FAM162A: variants seen among roughly 807,000 people sequenced by gnomAD.
FAM162A encodes protein FAM162A.
FAM162A carries 23 observed loss-of-function variants against 21.8 expected under a neutral mutation model. The observed-to-expected ratio is 1.05, with a 90% CI of 0.76 to 1.49. The LOEUF is 1.49. FAM162A is among the 40% of genes most tolerant of loss of function. The pLI is 0.00. For synonymous variants in FAM162A, 53 were observed against 61.3 expected (o/e 0.86, Z 0.64); for missense variants, 165 against 186.4 (o/e 0.89, Z 0.67).
At chr3:122,400,432 G>A (rs1401437183) in intron 1 of FAM162A, among the ~76,000 whole-genome samples, 1 of 152,096 alleles carries the variant, frequency 6.6e-6, no homozygotes, top group East Asian at 1.9e-4. Flanking sequence ...ATGACGAGTT[G>A]ATGGGTGCAG....
At chr3:122,402,217 A>G (rs2075656494) in intron 1 of FAM162A, among the ~76,000 whole-genome samples, 1 of 151,316 alleles carries the variant, frequency 6.6e-6, no homozygotes, top group South Asian at 2.1e-4. Flanking sequence ...AATTTTTAAA[A>G]TAAACTATAT....
chr3:122,390,354 A>G (rs911082493), intron 1 of FAM162A, among the ~76,000 whole-genome samples: 2 of 152,172 alleles, frequency 1.3e-5, no homozygotes, highest in South Asian at 2.1e-4. Flanking sequence ...GCCCAGGTCA[A>G]CAGCTAAGGC....
At chr3:122,387,403 A>C (rs1189349092) in intron 1 of FAM162A, among the ~76,000 whole-genome samples, 2 of 152,180 alleles carry the variant, frequency 1.3e-5, no homozygotes, top group African/African-American at 2.4e-5. Flanking sequence ...CCCACATCTC[A>C]GAGCATTAGA....
chr3:122,392,844 G>A (rs1042045616), intron 1 of FAM162A, among the ~76,000 whole-genome samples: 1 of 152,008 alleles, frequency 6.6e-6, no homozygotes, highest in African/African-American at 2.4e-5. Flanking sequence ...CACATTAGGG[G>A]TAAAATTGAA....
intron 1 of FAM162A, among the ~76,000 whole-genome samples, chr3:122,390,692 C>T (rs1219023358): frequency 1.3e-5 from 2 of 152,194 alleles, no homozygotes; most frequent in Non-Finnish European, 2.9e-5. Context: ...GAAGTTTCAC[C>T]ATTACCTGGG....
chr3:122,390,241 C>T (rs1276577474), intron 1 of FAM162A, among the ~76,000 whole-genome samples: 1 of 152,118 alleles, frequency 6.6e-6, no homozygotes, highest in African/African-American at 2.4e-5. Flanking sequence ...CGACATCCCT[C>T]AGCAGAGGGA....
intron 1 of FAM162A, among the ~76,000 whole-genome samples, chr3:122,396,269 T>C (rs1011433464): frequency 1.3e-5 from 2 of 151,870 alleles, no homozygotes; most frequent in African/African-American, 4.8e-5. Context: ...AAAGTACATA[T>C]CAGATAAGGA....
intron 2 of FAM162A, among the ~76,000 whole-genome samples, chr3:122,403,179 C>G (rs551389357): frequency 1.9e-3 from 289 of 152,344 alleles, no homozygotes; most frequent in Non-Finnish European, 3.2e-3. Context: ...CTACATCATA[C>G]CTCCCATGTT....
chr3:122,390,763 G>A (rs1054252108), intron 1 of FAM162A, among the ~76,000 whole-genome samples: 4 of 152,182 alleles, frequency 2.6e-5, no homozygotes, highest in African/African-American at 9.7e-5. Flanking sequence ...GTTGGGTCCA[G>A]TAATCTGTTT....
intron 1 of FAM162A, among the ~76,000 whole-genome samples, chr3:122,399,867 G>A (rs757596718): frequency 4.6e-5 from 7 of 152,174 alleles, no homozygotes; most frequent in Non-Finnish European, 5.9e-5. Flanking sequence ...ACTTTGGGAG[G>A]CTGAGGCAGT....
chr3:122,409,742 G>A lies in FAM162A; in HGVS notation c.376G>A (p.Ala126Thr), dbSNP rs181265174. 103 of 1,614,022 alleles carry A rather than the reference G, an allele frequency of 6.4e-5. No individual in the cohort carries two copies. In the Admixed American group the frequency reaches 1.4e-3, roughly 22 times the overall value. Residue 126 changes from alanine (A) to threonine (T), a missense_variant, in exon 5 of 5, where the codon GCC becomes ACC. Coordinates refer to ENST00000477892, the MANE Select transcript of FAM162A (RefSeq NM_014367.4). ...GTTCAAATCTGTTTTGCTTTAGGCT[G>A]CCCAAAGACACGAGACTTTAACAAG... ...IFMVIEGKKA[A>T]QRHETLTSLN... is the part of the protein sequence containing the mutation.
chr3:122,398,486 C>G (rs1422486429), intron 1 of FAM162A, among the ~76,000 whole-genome samples: 1 of 152,178 alleles, frequency 6.6e-6, no homozygotes, highest in African/African-American at 2.4e-5. Flanking sequence ...CTAAATCTTT[C>G]AAGCCTCAAA....
At chr3:122,389,398 G>C (rs2075589438) in intron 1 of FAM162A, among the ~76,000 whole-genome samples, 1 of 143,826 alleles carries the variant, frequency 7.0e-6, no homozygotes, top group Non-Finnish European at 1.5e-5. Flanking sequence ...TAGATAGATA[G>C]ATAGATAGAT....
rs755537046 is a variant in FAM162A at position 122,404,314 on chromosome 3, A to G, written c.214A>G (p.Ile72Val). ...KPTDWQKKIL[I>V]WSGRFKKEDE... ...TACGGATTGGCAGAAAAAGATCCTC[A>G]TATGGTCAGGTCGCTTCAAAAAGGA... The change falls in exon 3 of 5, where the codon ATA becomes GTA. Residue 72 changes from isoleucine to valine, a missense_variant. Transcript: ENST00000477892. 15 of 1,609,966 alleles carry G rather than the reference A, an allele frequency of 9.3e-6. No homozygotes were observed. Among genetic ancestry groups the G allele is most frequent in the Non-Finnish European group, 1.0e-5 (12 of 1,178,148 alleles).
Position 122,409,909 on chromosome 3 carries a change from A to G in FAM162A, c.*78A>G, listed in dbSNP as rs1392716719. On this transcript the variant is annotated 3_prime_UTR_variant, in exon 5 of 5. Coordinates refer to ENST00000477892, the MANE Select transcript of FAM162A (RefSeq NM_014367.4). ...GTGCCTGTATTAAAAAGGATGTGGT[A>G]TGAGGATCCATTTCATAAAGTATGA... 7 of 1,203,436 alleles carry G rather than the reference A, an allele frequency of 5.8e-6. No individual in the cohort carries two copies. The Admixed American group carries it at 1.2e-4, about 21-fold the overall frequency. The allele number at this position is 1,203,436 out of a possible 1,614,324, so 74.5% of individuals were successfully genotyped here. A position where few individuals can be genotyped will look rare whatever the true frequency, so the allele number is the denominator to read the frequency against.
intron 1 of FAM162A, among the ~76,000 whole-genome samples, chr3:122,394,552 C>T (rs2075618842): frequency 1.3e-5 from 2 of 152,016 alleles, no homozygotes; most frequent in Non-Finnish European, 2.9e-5. Context: ...GAAATGGACA[C>T]ACTTTTAGAA....
At chr3:122,389,702 A>G (rs1283665400) in intron 1 of FAM162A, among the ~76,000 whole-genome samples, 6 of 152,322 alleles carry the variant, frequency 3.9e-5, no homozygotes, top group Non-Finnish European at 7.3e-5. Context: ...AAGATACAGT[A>G]TTATCTGATT....
At chr3:122,384,860 AATTG>A (rs1310711539) in intron 1 of FAM162A, among the ~76,000 whole-genome samples, 2 of 152,222 alleles carry the variant, frequency 1.3e-5, no homozygotes, top group Non-Finnish European at 2.9e-5. Flanking sequence ...TTATACAATT[AATTG>A]ATTCGAATTT....
Position 122,384,183 on chromosome 3 carries a change from C to G in FAM162A, c.-83C>G. 1 of 1,536,182 alleles carries G rather than the reference C, an allele frequency of 6.5e-7. No individual in the cohort carries two copies. Among genetic ancestry groups the G allele is most frequent in the South Asian group, 1.2e-5 (1 of 83,676 alleles). On this transcript the variant is annotated 5_prime_UTR_variant, in exon 1 of 5. Coordinates refer to ENST00000477892, the MANE Select transcript of FAM162A (RefSeq NM_014367.4). ...CCCGGCGCCGCCTGCGTCCTTCCCA[C>G]TCCAACGCTGGGTGACATTGAGCTC...
Sources: allele counts gnomAD v4.1 joint callset (sites outside exome capture counted in the v4.1 genomes callset), GRCh38; gene constraint gnomAD v4.1.1; transcripts MANE v1.5; gene names NCBI Gene and HGNC (gene_info 2026-07-23, HGNC 2026-07-21).